RPS6KA3: variants seen among roughly 807,000 people sequenced by gnomAD.
The protein encoded by RPS6KA3 is ribosomal protein S6 kinase A3, also known as ribosomal protein S6 kinase alpha-3.
A neutral mutation model predicts 67.2 loss-of-function variants in RPS6KA3; 4 were observed. The ratio of observed to expected loss-of-function variants is 0.06; its 90% CI spans 0.03 to 0.14. The LOEUF (loss-of-function observed/expected upper bound fraction) is 0.14. RPS6KA3 is among the 10% of genes least tolerant of loss of function. The pLI is 1.00. For synonymous variants in RPS6KA3, 182 were observed against 183.7 expected, an observed-to-expected ratio of 0.99 and a Z score of 0.07; for missense variants, 204 against 559.0, an observed-to-expected ratio of 0.36 and a Z score of 6.40.
chrX:20,167,037 A>AT (rs2067458724), intron 17 of RPS6KA3, among the ~76,000 whole-genome samples: 1 of 109,439 alleles, frequency 9.1e-6, no homozygotes, highest in African/African-American at 3.3e-5. Flanking sequence ...TAAAAATACG[A>AT]TTTTCTCGAA....
chrX:20,233,613 T>C (rs1456817330), intron 2 of RPS6KA3, among the ~76,000 whole-genome samples: 1 of 108,816 alleles, frequency 9.2e-6, no homozygotes, highest in Non-Finnish European at 1.9e-5. Context: ...TAGCTGGGTG[T>C]CGTGGCATGT....
chrX:20,171,576 A>C (rs997663816), intron 15 of RPS6KA3, among the ~76,000 whole-genome samples: 3 of 111,657 alleles, frequency 2.7e-5, no homozygotes, highest in Non-Finnish European at 5.6e-5. Context: ...ATATGTGGTA[A>C]TTTCAGTAGA....
At chrX:20,203,970 C>T (rs2068510709) in intron 4 of RPS6KA3, 52 bp downstream of exon 4, 2 of 906,933 alleles carry the variant, frequency 2.2e-6, no homozygotes, top group Admixed American at 4.4e-5. Context: ...TCTATTGAGA[C>T]CTTTCAGTTT....
intron 1 of RPS6KA3, among the ~76,000 whole-genome samples, chrX:20,242,982 G>C (rs1205985037): frequency 2.7e-5 from 3 of 110,455 alleles, no homozygotes; most frequent in African/African-American, 6.6e-5. Context: ...TAATAATCAG[G>C]TTATATTTTT....
At chrX:20,206,539 C>T (rs748693311) in intron 3 of RPS6KA3, among the ~76,000 whole-genome samples, 9 of 111,874 alleles carry the variant, frequency 8.0e-5, no homozygotes, top group African/African-American at 2.9e-4. Context: ...AATTATATGC[C>T]AGGCACTGTG....
rs1246070705 is a variant in RPS6KA3, at chrX:20,266,888, G to T, written c.-256C>A. ...AGCGAGAGCCTCGCGCCTCCGCTGG[G>T]CACCGGGTCTCGCCCCTTTCTTCCT... On this transcript the variant is annotated 5_prime_UTR_variant, in exon 1 of 22. Transcript: ENST00000379565. The T allele has an allele frequency of 1.5e-5, 8 of 532,874 alleles. No individual in the cohort carries two copies. The highest frequency in any genetic ancestry group is 1.8e-5 in the Non-Finnish European group (8 of 437,781). The allele number at this position is 532,874 out of a possible 1,213,427, so 43.9% of individuals were successfully genotyped here.
At chrX:20,232,444 G>C (rs919944173) in intron 2 of RPS6KA3, among the ~76,000 whole-genome samples, 1 of 110,194 alleles carries the variant, frequency 9.1e-6, no homozygotes, top group South Asian at 3.9e-4. Flanking sequence ...GTGGTGGCGC[G>C]TGCCTGTATC....
intron 16 of RPS6KA3, among the ~76,000 whole-genome samples, chrX:20,168,022 A>AT (rs1455148464): frequency 1.8e-5 from 2 of 111,753 alleles, no homozygotes; most frequent in Admixed American, 1.9e-4. Flanking sequence ...TAATTTTTGC[A>AT]TTTTTTGTAG....
intron 1 of RPS6KA3, among the ~76,000 whole-genome samples, chrX:20,246,252 G>C (rs2069687739): frequency 9.1e-6 from 1 of 110,096 alleles, no homozygotes; most frequent in African/African-American, 3.3e-5. Flanking sequence ...GACTTAACAT[G>C]AATCTCAGTT....
At chrX:20,209,444 A>G in intron 2 of RPS6KA3, 40 bp from the exon 3 acceptor site, 4 of 715,993 alleles carry the variant, frequency 5.6e-6, no homozygotes, top group Non-Finnish European at 9.0e-6. Context: ...AGGGTTAGCC[A>G]GAGCTATTTT....
intron 2 of RPS6KA3, among the ~76,000 whole-genome samples, chrX:20,225,892 G>T (rs2069107947): frequency 8.9e-6 from 1 of 112,121 alleles, no homozygotes; most frequent in South Asian, 3.7e-4. Context: ...CCAGAAGATG[G>T]AAAAGAAGTG....
At chrX:20,264,637 T>C (rs183570579) in intron 1 of RPS6KA3, among the ~76,000 whole-genome samples, 1 of 111,715 alleles carries the variant, frequency 9.0e-6, no homozygotes, top group African/African-American at 3.3e-5. Flanking sequence ...TGGCATACAG[T>C]TGGTGCTAAA....
chrX:20,200,531 C>G (rs1000387624), intron 4 of RPS6KA3, among the ~76,000 whole-genome samples: 5 of 111,981 alleles, frequency 4.5e-5, no homozygotes, highest in Non-Finnish European at 7.5e-5. Flanking sequence ...TCTATCATCT[C>G]TTTTATAGCT....
chrX:20,246,919 T>A (rs1232120180), intron 1 of RPS6KA3, among the ~76,000 whole-genome samples: 1 of 111,491 alleles, frequency 9.0e-6, no homozygotes, highest in African/African-American at 3.3e-5. Context: ...CTTAGGCATG[T>A]TTTTAGGTGA....
intron 1 of RPS6KA3, among the ~76,000 whole-genome samples, chrX:20,247,917 A>T (rs1233330601): frequency 8.9e-6 from 1 of 112,435 alleles, no homozygotes; most frequent in African/African-American, 3.2e-5. Context: ...TTTAAATTAC[A>T]TTAAAGAACC....
chrX:20,178,481 GTTT>G (rs59662504), intron 10 of RPS6KA3, among the ~76,000 whole-genome samples: 2 of 84,432 alleles, frequency 2.4e-5, no homozygotes. Context: ...AAACAAATCA[GTTT>G]TTTTTTTTTT....
intron 1 of RPS6KA3, among the ~76,000 whole-genome samples, chrX:20,238,359 A>G (rs2069468975): frequency 9.0e-6 from 1 of 111,566 alleles, no homozygotes; most frequent in South Asian, 3.6e-4. Flanking sequence ...TTTTCTGATT[A>G]AATCCTTGTC....
At chrX:20,161,293 T>C (rs956339229) in intron 20 of RPS6KA3, among the ~76,000 whole-genome samples, 2 of 111,698 alleles carry the variant, frequency 1.8e-5, no homozygotes, top group African/African-American at 6.5e-5. Flanking sequence ...TTCTGTGAAA[T>C]GGGGATACTG....
At chrX:20,247,726 G>A (rs991868746) in intron 1 of RPS6KA3, among the ~76,000 whole-genome samples, 6 of 107,671 alleles carry the variant, frequency 5.6e-5, no homozygotes, top group Non-Finnish European at 1.9e-5. Context: ...GGTGGAGCTT[G>A]CAGTGAGCCG....
Sources: gnomAD v4.1 joint callset for allele counts (sites outside exome capture counted in the v4.1 genomes callset) on GRCh38, gnomAD v4.1.1 for gene constraint, MANE v1.5 for transcripts, NCBI Gene and HGNC (gene_info 2026-07-23, HGNC 2026-07-21) for gene names.